The following ADAM28 variants were observed in gnomAD, a reference collection of about 807,000 sequenced individuals.
ADAM28 encodes the protein disintegrin and metalloproteinase domain-containing protein 28.
ADAM28 carries 105 observed loss-of-function variants against 101.2 expected under a neutral mutation model. The ratio of observed to expected loss-of-function variants is 1.04; its 90% CI spans 0.89 to 1.22. The LOEUF is 1.22. Among genes scored for constraint, ADAM28 ranks in the 50% most tolerant of loss-of-function variants. The probability of loss-of-function intolerance (pLI) is 0.00; values close to 1 mark genes in which losing one functional copy is unlikely to be tolerated. For missense variants in ADAM28, 1,028 were observed against 945.4 expected (o/e 1.09, Z -1.15); for synonymous variants, 322 against 310.6 (o/e 1.04, Z -0.39).
intron 5 of ADAM28, 28 bp from the exon 6 acceptor site, chr8:24,313,360 A>G: frequency 6.3e-7 from 1 of 1,575,518 alleles, no homozygotes; most frequent in Non-Finnish European, 8.6e-7. Context: ...ATATTTGTTA[A>G]GAAGCCAGAA....
chr8:24,354,730 T>C lies in ADAM28; in HGVS notation c.*326T>C, dbSNP rs1203411813. ...AAAACAAAACATAAAAACATCACAC[T>C]AATCTTGGAGGAATAAGAAAAATTG... On this transcript the variant is annotated 3_prime_UTR_variant, in exon 23 of 23. Transcript: ENST00000265769. 5.1e-6 allele frequency: 1 copy of C among 197,476 alleles called. No homozygotes were observed. The highest frequency in any genetic ancestry group is 1.0e-5 in the Non-Finnish European group (1 of 98,048). 12.2% of individuals were successfully genotyped at this position (197,476 alleles called of 1,614,324 possible). A position where few individuals can be genotyped will look rare whatever the true frequency, so the allele number is the denominator to read the frequency against.
At chr8:24,302,242 C>G (rs765819677) in intron 2 of ADAM28, among the ~76,000 whole-genome samples, 3 of 152,166 alleles carry the variant, frequency 2.0e-5, no homozygotes, top group Non-Finnish European at 2.9e-5. Flanking sequence ...CTTCCAGCTC[C>G]ATCCATGTGC....
In ADAM28 at chr8:24,357,820, C is replaced by A. The variant is rs933082864; in HGVS notation, c.*3416C>A. ...ATTTGTTCTCCCTTCTTTACTAGCA[C>A]CGAGGATTTGCTTGAAATCTCTGAT... On this transcript the variant is annotated 3_prime_UTR_variant, in exon 23 of 23. Coordinates refer to ENST00000265769, the MANE Select transcript of ADAM28 (RefSeq NM_014265.6). 6.6e-6 allele frequency: 1 copy of A among 152,084 alleles called. No homozygotes were observed. The highest frequency in any genetic ancestry group is 1.5e-5 in the Non-Finnish European group (1 of 68,028). The allele number at this position is 152,084 out of a possible 1,614,324, so 9.4% of individuals were successfully genotyped here.
chr8:24,325,337 T>C (rs1269658663), intron 9 of ADAM28, among the ~76,000 whole-genome samples: 2 of 152,046 alleles, frequency 1.3e-5, no homozygotes, highest in African/African-American at 4.8e-5. Flanking sequence ...GAAATAGTTG[T>C]TCTTCCAGTT....
chr8:24,329,515 G>T (rs1198299402), intron 10 of ADAM28, among the ~76,000 whole-genome samples: 1 of 152,072 alleles, frequency 6.6e-6, no homozygotes, highest in Non-Finnish European at 1.5e-5. Context: ...CATGCAATGG[G>T]CAAGTTTTTA....
At chr8:24,337,287 T>C (rs1309717933) in intron 14 of ADAM28, among the ~76,000 whole-genome samples, 1 of 152,232 alleles carries the variant, frequency 6.6e-6, no homozygotes, top group Non-Finnish European at 1.5e-5. Flanking sequence ...AAGAAGCTCA[T>C]GTTTCCTTGG....
chr8:24,312,221 G>A (rs1348696167), intron 5 of ADAM28, among the ~76,000 whole-genome samples: 2 of 151,968 alleles, frequency 1.3e-5, no homozygotes, highest in African/African-American at 4.8e-5. Context: ...TTTTCAGTTG[G>A]ATATCTTAAA....
Position 24,355,877 on chromosome 8 carries a change from T to TAATC in ADAM28, c.*1475_*1478dup, listed in dbSNP as rs1816650994. The TAATC allele has an allele frequency of 6.6e-6, 1 of 152,180 alleles. No homozygotes were observed. Among genetic ancestry groups the TAATC allele is most frequent in the Admixed American group, 6.5e-5 (1 of 15,270 alleles). 9.4% of individuals were successfully genotyped at this position (152,180 alleles called of 1,614,324 possible). A position where few individuals can be genotyped will look rare whatever the true frequency, so the allele number is the denominator to read the frequency against. ...CTAACTAGTAAAGTAGCTGTTTCCA[T>TAATC]AATCAGGGAACATGCTTTAGTTCAT... On this transcript the variant is annotated 3_prime_UTR_variant, in exon 23 of 23. Coordinates refer to ENST00000265769, the MANE Select transcript of ADAM28 (RefSeq NM_014265.6).
Position 24,335,444 on chromosome 8 carries a change from A to G in ADAM28, c.1372-2A>G. The G allele has an allele frequency of 1.9e-6, 3 of 1,596,574 alleles. No homozygotes were observed. The highest frequency in any genetic ancestry group is 2.6e-6 in the Non-Finnish European group (3 of 1,172,024). ...AAGCCTTCTATTTTTGTTTTTCTACAGTTTAAAAAGGCTGGGATGGTGTGC... is the reference window on the plus strand; with the variant it reads ...AAGCCTTCTATTTTTGTTTTTCTACGGTTTAAAAAGGCTGGGATGGTGTGC... On this transcript the variant is annotated splice_acceptor_variant, in intron 13 of 22. Coordinates refer to ENST00000265769, the MANE Select transcript of ADAM28 (RefSeq NM_014265.6). LOFTEE classifies it high-confidence loss of function.
At chr8:24,318,866 C>T (rs546265110) in intron 6 of ADAM28, among the ~76,000 whole-genome samples, 16 of 152,150 alleles carry the variant, frequency 1.1e-4, no homozygotes, top group East Asian at 5.8e-4. Context: ...TGCCCATCCT[C>T]GTTCAGCAGA....
rs1167299362 is a variant in ADAM28 at position 24,313,461 on chromosome 8, C to T, written c.457C>T (p.His153Tyr). 3 of 1,613,720 alleles carry T rather than the reference C, an allele frequency of 1.9e-6. No homozygotes were observed. Among genetic ancestry groups the T allele is most frequent in the Non-Finnish European group, 2.5e-6 (3 of 1,179,856 alleles). Residue 153 changes from histidine to tyrosine, a missense_variant, in exon 6 of 23, where the codon CAT becomes TAT. Transcript: ENST00000265769. ...CCCCATACATCGGGATGGACAGGAG[C>T]ATGCACTCTTCAAGTATAACCCTGA... Reference protein sequence around the residue: ...LSPIHRDGQEHALFKYNPDEK... With the variant: ...LSPIHRDGQEYALFKYNPDEK...
chr8:24,353,740 G>A, intron 21 of ADAM28, 30 bp from the exon 22 acceptor site: 1 of 1,325,012 alleles, frequency 7.5e-7, no homozygotes, highest in East Asian at 2.3e-5. Context: ...CATTTCTAAT[G>A]CCATACCATT....
At chr8:24,328,040 G>A (rs949039940) in intron 10 of ADAM28, among the ~76,000 whole-genome samples, 6 of 151,844 alleles carry the variant, frequency 4.0e-5, no homozygotes, top group South Asian at 2.1e-4. Flanking sequence ...TCCTGCACTT[G>A]TACCTGTGAA....
rs1241153133 is a variant in ADAM28, at chr8:24,358,265, TC to T, written c.*3862del. 2 of 152,248 alleles carry T rather than the reference TC, an allele frequency of 1.3e-5. No homozygotes were observed. Among genetic ancestry groups the T allele is most frequent in the African/African-American group, 4.8e-5 (2 of 41,476 alleles). 9.4% of individuals were successfully genotyped at this position (152,248 alleles called of 1,614,324 possible). On this transcript the variant is annotated 3_prime_UTR_variant, in exon 23 of 23. Coordinates refer to ENST00000265769, the MANE Select transcript of ADAM28 (RefSeq NM_014265.6). Reference sequence around the variant, plus strand: ...TTCCTAAGTGTTATATTGCTATTTTTCAGTTGGTGCATCCAATATTATTATC... The same window carrying T: ...TTCCTAAGTGTTATATTGCTATTTTTAGTTGGTGCATCCAATATTATTATC...
chr8:24,296,355 TA>T (rs1340525274), intron 1 of ADAM28: 4 of 152,232 alleles, frequency 2.6e-5, no homozygotes, highest in Admixed American at 2.0e-4. Flanking sequence ...GCATGAAGTT[TA>T]AAACCACAAG....
At chr8:24,347,143 C>T (rs1042234438) in intron 18 of ADAM28, 3 of 151,984 alleles carry the variant, frequency 2.0e-5, no homozygotes, top group African/African-American at 7.2e-5. Flanking sequence ...TTTCAAGTTT[C>T]TAAGAATTCT....
At chr8:24,313,191 T>G (rs1032017830) in intron 5 of ADAM28, among the ~76,000 whole-genome samples, 197 bp from the exon 6 acceptor site, 1 of 152,226 alleles carries the variant, frequency 6.6e-6, no homozygotes, top group African/African-American at 2.4e-5. Flanking sequence ...ATATGTCTTA[T>G]TTCCTTGTAG....
intron 8 of ADAM28, among the ~76,000 whole-genome samples, chr8:24,322,928 T>G (rs1812072083): frequency 6.6e-6 from 1 of 151,992 alleles, no homozygotes; most frequent in Non-Finnish European, 1.5e-5. Flanking sequence ...TTCATAAGTT[T>G]AAGTCATTAT....
Position 24,351,250 on chromosome 8 carries a change from C to T in ADAM28, c.2118C>T (p.Gly706=). The T allele has an allele frequency of 1.2e-6, 2 of 1,605,784 alleles. No homozygotes were observed. The highest frequency in any genetic ancestry group is 1.7e-6 in the Non-Finnish European group (2 of 1,176,312). ...KKDQRPLSTT[G]TRPHKQKRKP... is the part of the protein sequence containing the mutation. ...CTTACAGGCCACTATCTACCACTGG[C>T]ACCAGGCCACACAAACAGAAGAGGA... is the stretch of plus-strand genomic sequence containing the variant. Residue 706 remains glycine (G), a synonymous_variant, in exon 20 of 23, where the codon GGC becomes GGT. Transcript: ENST00000265769.
Sources: gnomAD v4.1 joint callset for allele counts (sites outside exome capture counted in the v4.1 genomes callset) on GRCh38, gnomAD v4.1.1 for gene constraint, MANE v1.5 for transcripts, NCBI Gene and HGNC (gene_info 2026-07-23, HGNC 2026-07-21) for gene names.